BRF1: variants seen among roughly 807,000 people sequenced by gnomAD.
The protein encoded by BRF1 is transcription factor IIIB 90 kDa subunit.
BRF1 carries 59 observed loss-of-function variants against 81.7 expected under a neutral mutation model. The observed-to-expected ratio is 0.72, with a 90% confidence interval of 0.59 to 0.90. BRF1 has a LOEUF of 0.90. Among genes scored for constraint, BRF1 ranks in the 40% least tolerant of loss-of-function variants. BRF1 has a pLI of 0.00. For missense variants in BRF1, 1,050 were observed against 936.3 expected (o/e 1.12, Z -1.58); for synonymous variants, 491 against 395.6 (o/e 1.24, Z -2.86).
chr14:105,223,073 G>A (rs1327111583), intron 10 of BRF1, among the ~76,000 whole-genome samples: 1 of 152,176 alleles, frequency 6.6e-6, no homozygotes, highest in Non-Finnish European at 1.5e-5. Flanking sequence ...CCCGCCTGCA[G>A]TCCCAGCTAC....
intron 7 of BRF1, chr14:105,227,700 AG>A: frequency 6.6e-6 from 1 of 152,310 alleles, no homozygotes; most frequent in Non-Finnish European, 1.5e-5. Context: ...TCGGGCAGGA[AG>A]GGGCCCTGCA....
intron 5 of BRF1, chr14:105,247,384 G>A: frequency 1.0e-6 from 1 of 985,448 alleles, no homozygotes; most frequent in South Asian, 4.7e-5. Context: ...CCATTCCTGG[G>A]AGAAATGATG....
At chr14:105,248,203 G>A (rs2055257686) in intron 5 of BRF1, 6 of 985,512 alleles carry the variant, frequency 6.1e-6, no homozygotes, top group Non-Finnish European at 6.0e-6. Flanking sequence ...AAGCTAAATC[G>A]CGAAGCATCT....
Position 105,210,571 on chromosome 14 carries a change from C to T in BRF1, c.2014G>A (p.Asp672Asn), listed in dbSNP as rs763487127. The change falls in exon 18 of 18, where the codon GAT becomes AAT. Residue 672 changes from aspartate (D) to asparagine (N), a missense_variant. Asp to Asn is a conservative substitution (Grantham distance 23, BLOSUM62 1). Transcript: ENST00000547530. This position sits in a 1 kb window ranked among gnomAD's most constrained non-coding sequence, Gnocchi z 4.7. ...ACACTTCAGTAGCCGTCGTCCTCAT[C>T]GCCATCACAGCCATAGTCTGCAGAA... The part of the protein sequence containing the change: ...MGSNDYGCDG[D>N]EDDGY The T allele has an allele frequency of 4.3e-6, 7 of 1,611,676 alleles. No homozygotes were observed. In the South Asian group the frequency reaches 4.4e-5, roughly 10 times the overall value.
chr14:105,296,462 G>A lies in BRF1; in HGVS notation c.184+3984C>T, dbSNP rs140826723. ...TGGGAGGCAGAGCTTACAGTGAGCC[G>A]AGATTGTGCCACTGGACTCCAGCCT... On this transcript the variant is annotated intron_variant, in intron 1 of 17. Coordinates refer to ENST00000547530, the MANE Select transcript of BRF1 (RefSeq NM_001519.4). Among the ~76,000 whole-genome samples, 1,262 of 151,352 alleles carry A rather than the reference G, an allele frequency of 8.3e-3. 53 individuals are homozygous for A. The highest frequency in any genetic ancestry group is 0.063 in the Admixed American group (955 of 15,200).
At chr14:105,313,930 A>C (rs1267545010) in intron 1 of BRF1, among the ~76,000 whole-genome samples, 1 of 152,212 alleles carries the variant, frequency 6.6e-6, no homozygotes, top group African/African-American at 2.4e-5. Flanking sequence ...TGGGTCCCCA[A>C]GTTCACTGTT....
At chr14:105,250,115 G>C in intron 5 of BRF1, 1 of 1,613,002 alleles carries the variant, frequency 6.2e-7, no homozygotes, top group Non-Finnish European at 8.5e-7. Flanking sequence ...TGCCCAGTCA[G>C]ACATCCTGAC....
chr14:105,286,766 CG>C (rs2057331098), intron 1 of BRF1, among the ~76,000 whole-genome samples: 1 of 152,210 alleles, frequency 6.6e-6, no homozygotes, highest in South Asian at 2.1e-4. Flanking sequence ...CCACCACGCC[CG>C]GCTGGGATTA....
At chr14:105,245,878 A>G (rs761336373) in intron 5 of BRF1, among the ~76,000 whole-genome samples, 2 of 152,234 alleles carry the variant, frequency 1.3e-5, no homozygotes, top group Non-Finnish European at 2.9e-5. Flanking sequence ...TTTCTTGAAC[A>G]TGACACCAAC....
At chr14:105,251,362 CGGG>C (rs587733516) in intron 5 of BRF1, among the ~76,000 whole-genome samples, 2 of 152,184 alleles carry the variant, frequency 1.3e-5, no homozygotes, top group Non-Finnish European at 2.9e-5. Flanking sequence ...AACAGACTGT[CGGG>C]GGAGCATTCT....
intron 12 of BRF1, 104 bp from the exon 13 acceptor site, chr14:105,219,336 G>A (rs751750321): frequency 6.4e-7 from 1 of 1,557,146 alleles, no homozygotes; most frequent in South Asian, 1.2e-5. Context: ...TAGAGGAAGG[G>A]GAACCCGGGG....
chr14:105,254,505 C>A (rs2055770934), intron 4 of BRF1, among the ~76,000 whole-genome samples: 1 of 152,126 alleles, frequency 6.6e-6, no homozygotes, highest in Non-Finnish European at 1.5e-5. Context: ...GATCTGCCCG[C>A]CTCGGCCTCC....
rs587663475 is a variant in BRF1, at chr14:105,271,639, T to A, written c.439+1082A>T. ...AAAAGATGCAGGTGCACAGCAGGTG[T>A]GGACAGCACAGCACAGAGCAGAGGA... On this transcript the variant is annotated intron_variant, in intron 3 of 17. Coordinates refer to ENST00000547530, the MANE Select transcript of BRF1 (RefSeq NM_001519.4). This position sits in a 1 kb window ranked among gnomAD's most constrained non-coding sequence, Gnocchi z 5.5. 6.6e-6 allele frequency among the ~76,000 whole-genome samples: 1 copy of A among 152,264 alleles called. No individual in the cohort carries two copies. Among genetic ancestry groups the A allele is most frequent in the Non-Finnish European group, 1.5e-5 (1 of 68,010 alleles).
intron 2 of BRF1, among the ~76,000 whole-genome samples, chr14:105,280,008 T>C (rs1450390153): frequency 2.6e-5 from 4 of 152,162 alleles, no homozygotes; most frequent in African/African-American, 9.7e-5. Flanking sequence ...ATGGCTCAGG[T>C]GCTTTGGAAA....
At chr14:105,299,304 G>T (rs1018120559) in intron 1 of BRF1, among the ~76,000 whole-genome samples, 14 of 152,116 alleles carry the variant, frequency 9.2e-5, no homozygotes, top group Admixed American at 7.2e-4. Context: ...GGGTGTGGTG[G>T]CTCACGCTGT....
intron 2 of BRF1, among the ~76,000 whole-genome samples, chr14:105,278,476 T>A (rs1485592716): frequency 6.6e-6 from 1 of 150,782 alleles, no homozygotes; most frequent in African/African-American, 2.4e-5. Context: ...ACCACTTACA[T>A]GTAAAGTATA....
At chr14:105,226,604 A>G in intron 8 of BRF1, 30 bp downstream of exon 8, 1 of 1,612,254 alleles carries the variant, frequency 6.2e-7, no homozygotes, top group Non-Finnish European at 8.5e-7. Context: ...TGGCAAGCCC[A>G]GCACAGACAG....
At chr14:105,212,298 G>T in intron 15 of BRF1, 134 bp from the exon 16 acceptor site, 2 of 1,214,066 alleles carry the variant, frequency 1.6e-6, no homozygotes, top group Non-Finnish European at 2.3e-6. Flanking sequence ...CTGGTTCTGC[G>T]TCCAGGTTCT....
chr14:105,288,734 T>C (rs982366624), intron 1 of BRF1, among the ~76,000 whole-genome samples: 8 of 149,398 alleles, frequency 5.4e-5, no homozygotes, highest in African/African-American at 2.0e-4. Flanking sequence ...CCTGGGTTCA[T>C]GCCATTCTCC....
Sources: gnomAD v4.1 joint callset for allele counts (sites outside exome capture counted in the v4.1 genomes callset) on GRCh38, gnomAD v4.1.1 for gene constraint, Gnocchi (gnomAD v3.1) non-coding constraint, MANE v1.5 for transcripts, NCBI Gene and HGNC (gene_info 2026-07-23, HGNC 2026-07-21) for gene names.